BOLL: variants seen among roughly 807,000 people sequenced by gnomAD.
BOLL encodes the protein boule RNA binding protein, also known as protein boule-like.
Under a neutral mutation model 44.4 loss-of-function variants are expected in BOLL, and 23 were observed. The observed-to-expected ratio is 0.52, with a 90% CI of 0.37 to 0.73. BOLL has a LOEUF of 0.73. Among genes scored for constraint, BOLL ranks in the 30% least tolerant of loss-of-function variants. The pLI, the probability that BOLL is intolerant of heterozygous loss-of-function variation, is 0.00. For synonymous variants in BOLL, 97 were observed against 110.8 expected (o/e 0.88, Z 0.78); for missense variants, 287 against 338.3 (o/e 0.85, Z 1.19).
At chr2:197,776,527 C>T (rs1305313618) in intron 4 of BOLL, among the ~76,000 whole-genome samples, 7 of 151,856 alleles carry the variant, frequency 4.6e-5, no homozygotes, top group Admixed American at 4.6e-4. Flanking sequence ...TTCAGTGTTC[C>T]TAGCAATGTT....
intron 9 of BOLL, among the ~76,000 whole-genome samples, chr2:197,747,455 C>A (rs758587648): frequency 9.9e-5 from 15 of 151,748 alleles, no homozygotes; most frequent in Non-Finnish European, 1.6e-4. Context: ...TGGTGGCACA[C>A]GCCTGTAGTC....
At chr2:197,733,991 A>G (rs1687346618) in intron 10 of BOLL, among the ~76,000 whole-genome samples, 1 of 151,934 alleles carries the variant, frequency 6.6e-6, no homozygotes, top group African/African-American at 2.4e-5. Flanking sequence ...GAGCTTCTGC[A>G]CAGCAAAAGA....
chr2:197,765,942 G>A (rs1332170640), intron 7 of BOLL, among the ~76,000 whole-genome samples: 1 of 151,932 alleles, frequency 6.6e-6, no homozygotes, highest in Non-Finnish European at 1.5e-5. Context: ...AAGAACATGT[G>A]GTTATTTGGT....
At chr2:197,769,295 A>G (rs1689130475) in intron 6 of BOLL, among the ~76,000 whole-genome samples, 1 of 151,816 alleles carries the variant, frequency 6.6e-6, no homozygotes, top group African/African-American at 2.4e-5. Context: ...TGGTCCTGGA[A>G]TTTTTTTATT....
intron 9 of BOLL, 72 bp downstream of exon 9, chr2:197,756,356 T>TA: frequency 7.4e-7 from 1 of 1,347,210 alleles, no homozygotes; most frequent in Non-Finnish European, 9.8e-7. Context: ...TGAACAAATT[T>TA]AAAAAAGAGA....
chr2:197,756,883 A>G (rs1166917103), intron 8 of BOLL, among the ~76,000 whole-genome samples: 1 of 152,158 alleles, frequency 6.6e-6, no homozygotes, highest in Non-Finnish European at 1.5e-5. Context: ...ATTTAAATTG[A>G]CATAAATGTC....
At chr2:197,783,440 C>T (rs188868685) in intron 1 of BOLL, among the ~76,000 whole-genome samples, 28 of 152,330 alleles carry the variant, frequency 1.8e-4, no homozygotes, top group Non-Finnish European at 3.1e-4. Flanking sequence ...AATACAATCA[C>T]AATCCCTAAA....
chr2:197,766,455 G>A, intron 7 of BOLL, 77 bp downstream of exon 7: 4 of 1,218,848 alleles, frequency 3.3e-6, no homozygotes, highest in Admixed American at 1.9e-5. Context: ...GTAGTTGCAT[G>A]AGAAAGAAAT....
intron 9 of BOLL, among the ~76,000 whole-genome samples, chr2:197,747,395 A>G (rs1431653526): frequency 1.3e-5 from 2 of 152,072 alleles, no homozygotes; most frequent in Non-Finnish European, 2.9e-5. Flanking sequence ...CATCCTGGCT[A>G]ACACGGTGAA....
chr2:197,733,888 A>G (rs1042937472), intron 10 of BOLL, among the ~76,000 whole-genome samples: 4 of 152,206 alleles, frequency 2.6e-5, no homozygotes, highest in Non-Finnish European at 4.4e-5. Flanking sequence ...ATACCATTCA[A>G]GACATAGGCA....
Position 197,743,165 on chromosome 2 carries a change from A to C in BOLL, c.730-6T>G. The C allele has an allele frequency of 6.4e-7, 1 of 1,563,656 alleles. No homozygotes were observed. Among genetic ancestry groups the C allele is most frequent in the Non-Finnish European group, 8.7e-7 (1 of 1,154,776 alleles). On this transcript the variant is annotated splice_region_variant and splice_polypyrimidine_tract_variant and intron_variant, in intron 9 of 10. Transcript: ENST00000392296. ...ACTCCATGATCAGAATAAGGCTATT[A>C]CAAAAAAAGAGAGAAAAAATGTCAC...
chr2:197,786,191 G>T, upstream of BOLL: 2 of 814,928 alleles, frequency 2.5e-6, no homozygotes, highest in Non-Finnish European at 3.6e-6. The surrounding 1 kb of genome is among the most constrained non-coding windows in gnomAD (Gnocchi z 5.9). Context: ...CTGGCGGGTG[G>T]GGAGAAGCGG....
In BOLL at chr2:197,768,840, T is replaced by C. The variant is rs191063189; in HGVS notation, c.481-2237A>G. On this transcript the variant is annotated intron_variant, in intron 6 of 10. Coordinates refer to ENST00000392296, the MANE Select transcript of BOLL (RefSeq NM_033030.6). ...ATTATTTTGAGATACGTTCCATCAA[T>C]ACCTAGTTTATTGAGAGTTTTTAGC... Among the ~76,000 whole-genome samples, 398 of 149,924 alleles carry C rather than the reference T, an allele frequency of 2.7e-3. 1 individual carries two copies. The highest frequency in any genetic ancestry group is 4.4e-3 in the Non-Finnish European group (296 of 67,536).
chr2:197,752,324 A>G lies in BOLL; in HGVS notation c.729+4104T>C, dbSNP rs995879608. ...GGGCAATCAGGCAAGAGAAAGAAAT[A>G]AAGTGTATTCAAATAGGAAGACAGG... On this transcript the variant is annotated intron_variant, in intron 9 of 10. Transcript: ENST00000392296. Among the ~76,000 whole-genome samples, 20 of 152,344 alleles carry G rather than the reference A, an allele frequency of 1.3e-4. 2 individuals are homozygous for G. In the East Asian group the frequency reaches 3.9e-3, roughly 29 times the overall value.
chr2:197,779,322 A>G (rs562502060), intron 2 of BOLL, among the ~76,000 whole-genome samples: 1 of 152,160 alleles, frequency 6.6e-6, no homozygotes, highest in Admixed American at 6.6e-5. Context: ...AAAACTCACT[A>G]TTTAAAGAAA....
intron 9 of BOLL, among the ~76,000 whole-genome samples, chr2:197,749,596 T>G (rs1428707851): frequency 6.6e-6 from 1 of 151,690 alleles, no homozygotes; most frequent in African/African-American, 2.4e-5. Flanking sequence ...CATACACAAG[T>G]ATCAATAGCT....
chr2:197,734,138 A>C (rs1687356316), intron 10 of BOLL, among the ~76,000 whole-genome samples: 1 of 151,562 alleles, frequency 6.6e-6, no homozygotes, highest in East Asian at 1.9e-4. Flanking sequence ...CAACCCCATC[A>C]AAAAGTGGGC....
intron 10 of BOLL, 68 bp downstream of exon 10, chr2:197,742,993 G>T: frequency 1.6e-6 from 2 of 1,255,344 alleles, no homozygotes; most frequent in South Asian, 3.2e-5. Context: ...CTTTCTAGAA[G>T]AGAAAGTTGG....
intron 10 of BOLL, among the ~76,000 whole-genome samples, chr2:197,741,872 G>A (rs1316783759): frequency 1.3e-5 from 2 of 152,092 alleles, no homozygotes; most frequent in East Asian, 3.9e-4. Flanking sequence ...AGAGTGAAAA[G>A]GCAACCTACA....
Sources: allele counts gnomAD v4.1 joint callset (sites outside exome capture counted in the v4.1 genomes callset), GRCh38; gene constraint gnomAD v4.1.1; non-coding constraint Gnocchi (gnomAD v3.1); transcripts MANE v1.5; gene names NCBI Gene and HGNC (gene_info 2026-07-23, HGNC 2026-07-21).